Variants in CR1 observed in about 807,000 individuals in gnomAD.
CR1 encodes complement receptor type 1.
In CR1, 116 loss-of-function variants were observed where a neutral mutation model predicts 187.3. That is an observed-to-expected ratio of 0.62 (90% confidence interval 0.53 to 0.72). CR1 has a LOEUF of 0.72. Among genes scored for constraint, CR1 ranks in the 30% least tolerant of loss-of-function variants. The pLI is 0.00. For missense variants in CR1, 1,731 were observed against 2,110.7 expected (o/e 0.82, Z 3.52); for synonymous variants, 576 against 747.1 (o/e 0.77, Z 3.73).
chr1:207,618,577 G>A (rs1448480758), intron 42 of CR1, among the ~76,000 whole-genome samples: 1 of 152,094 alleles, frequency 6.6e-6, no homozygotes, highest in Admixed American at 6.5e-5. Flanking sequence ...GATGCAGGAA[G>A]ACCACAGACC....
intron 46 of CR1, among the ~76,000 whole-genome samples, chr1:207,637,911 C>T (rs1204545045): frequency 2.6e-5 from 4 of 152,246 alleles, no homozygotes; most frequent in African/African-American, 4.8e-5. Context: ...CTCTCCCCCA[C>T]GTCACCACCT....
chr1:207,633,669 AAAG>A (rs1308358779), intron 46 of CR1, among the ~76,000 whole-genome samples: 1 of 152,230 alleles, frequency 6.6e-6, no homozygotes, highest in Non-Finnish European at 1.5e-5. Context: ...ACAATTTTTT[AAAG>A]ATCTCCCCAA....
chr1:207,629,431 C>T (rs535052483), intron 45 of CR1, among the ~76,000 whole-genome samples: 5 of 152,084 alleles, frequency 3.3e-5, no homozygotes, highest in African/African-American at 9.6e-5. Flanking sequence ...CTCATCTTAC[C>T]ACTTAACCAC....
In CR1 at chr1:207,511,571, A is replaced by G. The variant is rs763171525; in HGVS notation, c.404A>G (p.Tyr135Cys). ...SQIKYSCTKG[Y>C]RLIGSSSATC... ...CATTCCTTATTTTTTGCCTCTAGAT[A>G]CCGACTCATTGGTTCCTCGTCTGCC... The change falls in exon 4 of 47, where the codon TAC (tyrosine) becomes TGC (cysteine). Residue 135 changes from tyrosine (Y) to cysteine (C), a missense_variant and splice_region_variant. Transcript: ENST00000367049. 7 of 1,613,156 alleles carry G rather than the reference A, an allele frequency of 4.3e-6. No individual in the cohort carries two copies. In the South Asian group the frequency reaches 7.7e-5, roughly 18 times the overall value.
rs767996719 is a variant in CR1 at position 207,617,483 on chromosome 1, GTATATATATA to G, written c.6890-572_6890-563del. ...GTGCATATGTACCCTAGAACTTAAA[GTATATATATA>G]TATATATATATATATGTGTGTGTGT... is the stretch of plus-strand genomic sequence containing the variant. On this transcript the variant is annotated intron_variant, in intron 41 of 46. Coordinates refer to ENST00000367049, the MANE Select transcript of CR1 (RefSeq NM_000651.6). Among the ~76,000 whole-genome samples, 5 of 41,748 alleles carry G rather than the reference GTATATATATA, an allele frequency of 1.2e-4. 1 individual carries two copies. The highest frequency in any genetic ancestry group is 7.8e-5 in the African/African-American group (1 of 12,822). The allele number at this position is 41,748 out of a possible 152,430, so 27.4% of individuals were successfully genotyped here.
Position 207,587,566 on chromosome 1 carries a change from G to C in CR1, c.5710+1G>C, listed in dbSNP as rs773807648. On this transcript the variant is annotated splice_donor_variant, in intron 34 of 46. Transcript: ENST00000367049. LOFTEE classifies it high-confidence loss of function. The stretch of plus-strand genomic sequence containing the variant: ...TCAAGTGTTGAAGACAACTGTAGAC[G>C]TGAGTAACCCCTCCCTGGGAACTAC... 7 of 1,612,540 alleles carry C rather than the reference G, an allele frequency of 4.3e-6. No individual in the cohort carries two copies. The South Asian group carries it at 7.7e-5, about 18-fold the overall frequency.
At chr1:207,499,656 C>A (rs1197843963) in intron 1 of CR1, among the ~76,000 whole-genome samples, 1 of 152,136 alleles carries the variant, frequency 6.6e-6, no homozygotes, top group Non-Finnish European at 1.5e-5. Flanking sequence ...TTAAGCTTTA[C>A]CAGGCAGTGT....
At position 207,639,627 on chromosome 1, in the gene CR1, G is replaced by T; in HGVS notation, c.*218G>T. 1 of 515,954 alleles carries T rather than the reference G, an allele frequency of 1.9e-6. No homozygotes were observed. 32.0% of individuals were successfully genotyped at this position (515,954 alleles called of 1,614,324 possible). A position where few individuals can be genotyped will look rare whatever the true frequency, so the allele number is the denominator to read the frequency against. On this transcript the variant is annotated 3_prime_UTR_variant, in exon 47 of 47. Transcript: ENST00000367049. The stretch of plus-strand genomic sequence containing the variant: ...TGTGAAACCCCCACCCTTCTGCCTC[G>T]TGCTAAACGCACACAGTATCTAGTC...
chr1:207,593,736 C>G (rs948516779), intron 35 of CR1, among the ~76,000 whole-genome samples: 6 of 152,158 alleles, frequency 3.9e-5, no homozygotes, highest in Non-Finnish European at 7.3e-5. Flanking sequence ...TATCCAGAAT[C>G]TACAAGGAAC....
chr1:207,496,493 G>T (rs540518397), intron 1 of CR1, 105 bp downstream of exon 1: 3 of 1,226,024 alleles, frequency 2.4e-6, no homozygotes, highest in Non-Finnish European at 2.2e-6. Context: ...GCGCGCCCGG[G>T]TCCGAAGGCA....
intron 34 of CR1, 83 bp from the exon 35 acceptor site, chr1:207,588,592 T>A (rs902136685): frequency 1.0e-5 from 9 of 881,086 alleles, no homozygotes; most frequent in Non-Finnish European, 1.7e-5. Flanking sequence ...GTATATGCTG[T>A]TTAGTATGCC....
At chr1:207,592,251 C>G (rs1255894286) in intron 35 of CR1, among the ~76,000 whole-genome samples, 2 of 152,200 alleles carry the variant, frequency 1.3e-5, no homozygotes, top group Admixed American at 6.5e-5. Flanking sequence ...CCACAACGAT[C>G]AAGCTGGCTT....
chr1:207,516,542 T>G (rs1396217825), intron 4 of CR1, among the ~76,000 whole-genome samples: 1 of 152,224 alleles, frequency 6.6e-6, no homozygotes, highest in African/African-American at 2.4e-5. Flanking sequence ...GAATCCTACT[T>G]GAATTTGTAT....
chr1:207,629,098 G>T (rs1407108197), intron 45 of CR1, among the ~76,000 whole-genome samples: 1 of 152,140 alleles, frequency 6.6e-6, no homozygotes, highest in Non-Finnish European at 1.5e-5. Flanking sequence ...GATAGGTCAT[G>T]CACTCATCAG....
At chr1:207,616,356 A>G (rs749032179) in intron 40 of CR1, among the ~76,000 whole-genome samples, 11 of 152,214 alleles carry the variant, frequency 7.2e-5, no homozygotes, top group Non-Finnish European at 1.5e-4. Context: ...TGAGTGGTCC[A>G]GGAACACTGT....
intron 31 of CR1, among the ~76,000 whole-genome samples, chr1:207,581,074 C>T (rs551264106): frequency 2.4e-4 from 36 of 148,070 alleles, no homozygotes; most frequent in African/African-American, 8.2e-4. Flanking sequence ...AAACAATGGC[C>T]GAAATACAAA....
chr1:207,613,967 T>G (rs1662019378), intron 39 of CR1, among the ~76,000 whole-genome samples: 2 of 152,168 alleles, frequency 1.3e-5, no homozygotes, highest in African/African-American at 4.8e-5. Context: ...TTCCTGGCTT[T>G]GCTTACCAAA....
intron 28 of CR1, 88 bp downstream of exon 28, chr1:207,575,768 T>G: frequency 6.3e-7 from 1 of 1,582,242 alleles, no homozygotes; most frequent in Admixed American, 1.7e-5. Flanking sequence ...CTCATCCCTC[T>G]TGGAAATGGT....
At chr1:207,610,672 T>C (rs573730742) in intron 37 of CR1, among the ~76,000 whole-genome samples, 1 of 152,326 alleles carries the variant, frequency 6.6e-6, no homozygotes, top group South Asian at 2.1e-4. Flanking sequence ...CCAATTGTCC[T>C]GTGGATGGAG....
Sources: allele counts gnomAD v4.1 joint callset (sites outside exome capture counted in the v4.1 genomes callset), GRCh38; gene constraint gnomAD v4.1.1; transcripts MANE v1.5; gene names NCBI Gene and HGNC (gene_info 2026-07-23, HGNC 2026-07-21).